Variants in GALNTL6 observed in about 807,000 individuals in gnomAD.
The protein encoded by GALNTL6 is polypeptide N-acetylgalactosaminyltransferase like 6, also known as polypeptide N-acetylgalactosaminyltransferase-like 6.
In GALNTL6, 46 loss-of-function variants were observed where a neutral mutation model predicts 73.7. That is an observed-to-expected ratio of 0.62 (90% CI 0.49 to 0.80). The LOEUF is 0.80. Ranked by LOEUF, GALNTL6 falls within the 30% of genes least tolerant of loss-of-function variation. GALNTL6 has a pLI of 0.00. For missense variants in GALNTL6, 604 were observed against 755.0 expected (o/e 0.80, Z 2.34); for synonymous variants, 259 against 263.7 (o/e 0.98, Z 0.17).
intron 6 of GALNTL6, 37 bp from the exon 7 acceptor site, chr4:172,813,502 AG>A (rs1741427650): frequency 6.5e-7 from 1 of 1,530,990 alleles, no homozygotes; most frequent in Non-Finnish European, 9.0e-7. Context: ...TGACCTAGGC[AG>A]GCATGTCATT....
At chr4:172,002,185 G>A (rs1033115689) in intron 2 of GALNTL6, among the ~76,000 whole-genome samples, 6 of 152,168 alleles carry the variant, frequency 3.9e-5, no homozygotes, top group African/African-American at 1.4e-4. Flanking sequence ...GAGTGCCATG[G>A]ATTGAATTTT....
chr4:172,128,095 T>A (rs753208308), intron 2 of GALNTL6, among the ~76,000 whole-genome samples: 5 of 151,520 alleles, frequency 3.3e-5, no homozygotes, highest in Non-Finnish European at 7.4e-5. Context: ...CAGAACAAGA[T>A]TCCGTCTCAA....
rs538867150 is a variant in GALNTL6, at chr4:171,906,242, A to G, written c.138+91524A>G. Among the ~76,000 whole-genome samples, 1,424 of 145,056 alleles carry G rather than the reference A, an allele frequency of 9.8e-3. 11 individuals are homozygous for G. Among genetic ancestry groups the G allele is most frequent in the African/African-American group, 0.036 (1,287 of 35,694 alleles). ...AAAGGATCAACAAAATTGATAGACCACTAGCAAGACTAATAAAGAAAAAAA... is the reference window on the plus strand; with the variant it reads ...AAAGGATCAACAAAATTGATAGACCGCTAGCAAGACTAATAAAGAAAAAAA... On this transcript the variant is annotated intron_variant, in intron 2 of 12. Coordinates refer to ENST00000506823, the MANE Select transcript of GALNTL6 (RefSeq NM_001034845.3).
chr4:171,918,071 A>G (rs1446388278), intron 2 of GALNTL6, among the ~76,000 whole-genome samples: 1 of 152,136 alleles, frequency 6.6e-6, no homozygotes, highest in Non-Finnish European at 1.5e-5. Flanking sequence ...ATTGCCTGGG[A>G]TTCACTGATC....
At chr4:172,386,787 T>G (rs1410833644) in intron 5 of GALNTL6, among the ~76,000 whole-genome samples, 1 of 152,088 alleles carries the variant, frequency 6.6e-6, no homozygotes, top group East Asian at 1.9e-4. Context: ...CCTCTGCTTT[T>G]TGGTTCCAAG....
At chr4:172,645,467 T>A (rs1025466339) in intron 5 of GALNTL6, among the ~76,000 whole-genome samples, 5 of 151,956 alleles carry the variant, frequency 3.3e-5, no homozygotes, top group Admixed American at 1.3e-4. Context: ...CCCCACCAAG[T>A]TGCAGTGGCA....
chr4:172,414,513 T>G (rs936800198), intron 5 of GALNTL6, among the ~76,000 whole-genome samples: 2 of 152,180 alleles, frequency 1.3e-5, no homozygotes, highest in Non-Finnish European at 2.9e-5. Flanking sequence ...ATAATTTGAT[T>G]TGAATTTTCT....
rs77994391 is a variant in GALNTL6, at chr4:171,943,803, A to T, written c.138+129085A>T. Among the ~76,000 whole-genome samples the T allele has an allele frequency of 2.1e-3, 315 of 152,202 alleles. 1 individual carries two copies. Among genetic ancestry groups the T allele is most frequent in the African/African-American group, 5.4e-3 (223 of 41,564 alleles). The stretch of plus-strand genomic sequence containing the variant: ...AGTTCAAATCCATGGATATAATTTT[A>T]TTGCTCCCTTAGGATTTCTATAGAT... On this transcript the variant is annotated intron_variant, in intron 2 of 12. Transcript: ENST00000506823.
intron 5 of GALNTL6, among the ~76,000 whole-genome samples, chr4:172,391,113 T>G (rs1743650362): frequency 1.3e-5 from 2 of 152,268 alleles, no homozygotes; most frequent in African/African-American, 4.8e-5. Flanking sequence ...TGTGGGCAAC[T>G]GTCTTGGTCC....
chr4:172,191,596 C>T (rs888206107), intron 2 of GALNTL6, among the ~76,000 whole-genome samples: 22 of 152,210 alleles, frequency 1.4e-4, no homozygotes, highest in African/African-American at 4.3e-4. Flanking sequence ...AAATGCATGA[C>T]TTAATGTCCC....
chr4:172,754,533 T>C (rs1451073169), intron 5 of GALNTL6, among the ~76,000 whole-genome samples: 3 of 151,982 alleles, frequency 2.0e-5, no homozygotes, highest in Non-Finnish European at 4.4e-5. Flanking sequence ...GATCGCACCA[T>C]TGCACTCCAG....
At chr4:172,102,203 G>A (rs939962831) in intron 2 of GALNTL6, among the ~76,000 whole-genome samples, 3 of 152,062 alleles carry the variant, frequency 2.0e-5, no homozygotes, top group South Asian at 2.1e-4. Flanking sequence ...AAATTTATTC[G>A]AATGTAATTT....
intron 4 of GALNTL6, among the ~76,000 whole-genome samples, chr4:172,320,605 G>A (rs1340205399): frequency 1.3e-5 from 2 of 151,998 alleles, no homozygotes; most frequent in Non-Finnish European, 2.9e-5. Context: ...GAGAAACTTG[G>A]GAGGATCCCT....
rs76894934 is a variant in GALNTL6 at position 173,008,050 on chromosome 4, C to T, written c.1372-1128C>T. On this transcript the variant is annotated intron_variant, in intron 10 of 12. Transcript: ENST00000506823. Reference sequence around the variant, plus strand: ...TATTTCAGCAATAACACTGTCTTTCCTATTTTGCTAATACTCTAGAGTGAC... The same window carrying T: ...TATTTCAGCAATAACACTGTCTTTCTTATTTTGCTAATACTCTAGAGTGAC... Among the ~76,000 whole-genome samples the T allele has an allele frequency of 5.9e-3, 894 of 152,284 alleles. 12 individuals carry two copies. Among genetic ancestry groups the T allele is most frequent in the African/African-American group, 0.02 (829 of 41,564 alleles).
At chr4:172,135,060 TC>T (rs1251615167) in intron 2 of GALNTL6, among the ~76,000 whole-genome samples, 3 of 152,202 alleles carry the variant, frequency 2.0e-5, no homozygotes, top group African/African-American at 7.2e-5. Context: ...TTTGACTCTT[TC>T]AAATTTACCA....
chr4:172,427,920 A>G (rs1731291003), intron 5 of GALNTL6, among the ~76,000 whole-genome samples: 1 of 152,218 alleles, frequency 6.6e-6, no homozygotes, highest in South Asian at 2.1e-4. Flanking sequence ...CTGTCTATCA[A>G]TAAATGCAGG....
chr4:172,497,130 T>G (rs1285154962), intron 5 of GALNTL6, among the ~76,000 whole-genome samples: 2 of 152,236 alleles, frequency 1.3e-5, no homozygotes, highest in East Asian at 3.8e-4. Context: ...AGCTGCTGAT[T>G]CATTTATAGG....
chr4:171,947,762 A>G (rs778558705), intron 2 of GALNTL6, among the ~76,000 whole-genome samples: 1 of 152,032 alleles, frequency 6.6e-6, no homozygotes, highest in African/African-American at 2.4e-5. Flanking sequence ...TATTCAATCA[A>G]CTCACCCTCA....
chr4:172,245,731 T>C (rs1040718697), intron 3 of GALNTL6, among the ~76,000 whole-genome samples: 10 of 152,160 alleles, frequency 6.6e-5, no homozygotes, highest in Non-Finnish European at 1.5e-4. Context: ...AGTGATGAGT[T>C]ATGGGCCTTC....
Sources: allele counts gnomAD v4.1 joint callset (sites outside exome capture counted in the v4.1 genomes callset), GRCh38; gene constraint gnomAD v4.1.1; transcripts MANE v1.5; gene names NCBI Gene and HGNC (gene_info 2026-07-23, HGNC 2026-07-21).